ADAMTSL1: variants seen among roughly 807,000 people sequenced by gnomAD.
ADAMTSL1 encodes ADAMTS-like protein 1.
In ADAMTSL1, 126 loss-of-function variants were observed where a neutral mutation model predicts 201.8. The ratio of observed to expected loss-of-function variants is 0.62; its 90% CI spans 0.54 to 0.72. The LOEUF is 0.72. ADAMTSL1 is among the 30% of genes least tolerant of loss of function. The pLI is 0.00. For missense variants in ADAMTSL1, 2,679 were observed against 2,277.8 expected (o/e 1.18, Z -3.59); for synonymous variants, 1,121 against 903.4 (o/e 1.24, Z -4.32).
At chr9:18,112,891 G>A (rs492960) in intron 1 of ADAMTSL1, among the ~76,000 whole-genome samples, 21,129 of 152,136 alleles carry the variant, frequency 0.14, 1,611 homozygotes, top group East Asian at 0.22. Context: ...CTTTGTCAGA[G>A]GGATACTGAG....
chr9:18,543,094 A>G (rs1431997728), intron 3 of ADAMTSL1, among the ~76,000 whole-genome samples: 1 of 152,194 alleles, frequency 6.6e-6, no homozygotes, highest in African/African-American at 2.4e-5. Flanking sequence ...TTCTTTGGCC[A>G]AATACTTGAT....
chr9:18,256,554 G>A (rs1052372353), intron 2 of ADAMTSL1, among the ~76,000 whole-genome samples: 2 of 152,168 alleles, frequency 1.3e-5, no homozygotes. Context: ...AAAGAAATGG[G>A]CATAGACATG....
chr9:18,697,382 C>G (rs1307820985), intron 13 of ADAMTSL1, among the ~76,000 whole-genome samples: 1 of 152,184 alleles, frequency 6.6e-6, no homozygotes, highest in Non-Finnish European at 1.5e-5. Flanking sequence ...AAACTTCTAT[C>G]TCTATGGAGT....
At chr9:18,434,850 G>C (rs761645406) in intron 2 of ADAMTSL1, among the ~76,000 whole-genome samples, 3 of 152,124 alleles carry the variant, frequency 2.0e-5, no homozygotes, top group African/African-American at 7.2e-5. Flanking sequence ...AGTTCTAGGT[G>C]CTTCTTCAAG....
chr9:18,815,643 G>A (rs926229874), intron 20 of ADAMTSL1, among the ~76,000 whole-genome samples: 8 of 146,910 alleles, frequency 5.4e-5, no homozygotes, highest in Non-Finnish European at 1.0e-4. Flanking sequence ...GGGAGGCAGA[G>A]GCTGCAGTGA....
chr9:18,603,989 G>GT (rs1364693930), intron 4 of ADAMTSL1, among the ~76,000 whole-genome samples: 1 of 152,200 alleles, frequency 6.6e-6, no homozygotes, highest in Non-Finnish European at 1.5e-5. Context: ...ACAATGGCGA[G>GT]AGCACACCTG....
chr9:18,085,769 GTA>G (rs760212452), intron 1 of ADAMTSL1, among the ~76,000 whole-genome samples: 7 of 149,660 alleles, frequency 4.7e-5, no homozygotes, highest in African/African-American at 1.2e-4. Context: ...ATGTGTGTGT[GTA>G]TATATATATA....
chr9:18,158,775 A>C (rs894215940), intron 1 of ADAMTSL1, among the ~76,000 whole-genome samples: 3 of 151,958 alleles, frequency 2.0e-5, no homozygotes, highest in African/African-American at 7.2e-5. Flanking sequence ...TGTCCTTCCA[A>C]CCAGAAGTTA....
At chr9:18,583,166 C>T (rs897170642) in intron 4 of ADAMTSL1, among the ~76,000 whole-genome samples, 3 of 152,180 alleles carry the variant, frequency 2.0e-5, no homozygotes. Flanking sequence ...AACTTTGGAA[C>T]TGGGTAACAG....
At chr9:18,828,660 T>TTATATATATATATATA (rs1554643931) in intron 22 of ADAMTSL1, among the ~76,000 whole-genome samples, 15 of 28,534 alleles carry the variant, frequency 5.3e-4, no homozygotes, top group Admixed American at 1.5e-3. Context: ...GAAAGTATAT[T>TTATATATATATATATA]TATATATATA....
chr9:18,314,864 T>A (rs185482223), intron 2 of ADAMTSL1, among the ~76,000 whole-genome samples: 2,429 of 132,624 alleles, frequency 0.018, 67 homozygotes, highest in African/African-American at 0.065. Context: ...TGGCGCGATC[T>A]CGGCTCACTG....
chr9:17,967,810 T>C (rs1818039662), intron 1 of ADAMTSL1, among the ~76,000 whole-genome samples: 1 of 152,120 alleles, frequency 6.6e-6, no homozygotes, highest in African/African-American at 2.4e-5. Context: ...TGTATATACT[T>C]TCTCCATTTT....
chr9:18,595,137 G>C (rs1284831079), intron 4 of ADAMTSL1, among the ~76,000 whole-genome samples: 2 of 152,126 alleles, frequency 1.3e-5, no homozygotes, highest in African/African-American at 4.8e-5. Flanking sequence ...AGAGTAATAG[G>C]GCTATGTGGG....
chr9:18,171,424 A>T (rs1035653827), intron 2 of ADAMTSL1, among the ~76,000 whole-genome samples: 7 of 152,144 alleles, frequency 4.6e-5, no homozygotes, highest in African/African-American at 1.7e-4. Flanking sequence ...ACTTTAAATT[A>T]TATTAACATT....
rs186970968 is a variant in ADAMTSL1, at chr9:18,158,591, A to C, written c.88-5271A>C. On this transcript the variant is annotated intron_variant, in intron 1 of 29. Transcript: ENST00000680146. ...TTTATCACAAGTGAAATTTACTGAA[A>C]TCTGGTAAACTCAATTTATTACCAA... Among the ~76,000 whole-genome samples, 19 of 152,180 alleles carry C rather than the reference A, an allele frequency of 1.2e-4. No individual in the cohort carries two copies. In the East Asian group the frequency reaches 3.3e-3, roughly 26 times the overall value.
chr9:18,235,261 G>C lies in ADAMTSL1; in HGVS notation c.207+71280G>C, dbSNP rs867716270. 3.5e-4 allele frequency among the ~76,000 whole-genome samples: 53 copies of C among 152,308 alleles called. No homozygotes were observed. In the Middle Eastern group the frequency reaches 0.017, roughly 49 times the overall value. ...GGTATTTTCTCGAATGTCTGAAATT[G>C]GGATTTGTCTGATGTTTTCATCATG... On this transcript the variant is annotated intron_variant, in intron 2 of 29. Transcript: ENST00000680146.
intron 2 of ADAMTSL1, among the ~76,000 whole-genome samples, chr9:18,380,831 G>A (rs1006150220): frequency 6.6e-6 from 1 of 152,186 alleles, no homozygotes; most frequent in African/African-American, 2.4e-5. Flanking sequence ...AGTCCATCAG[G>A]TGAACGCATG....
chr9:18,278,862 C>T (rs1159433672), intron 2 of ADAMTSL1, among the ~76,000 whole-genome samples: 1 of 151,670 alleles, frequency 6.6e-6, no homozygotes, highest in Non-Finnish European at 1.5e-5. Context: ...TCTCTTTTTT[C>T]CCTTTTTATT....
chr9:18,651,875 G>A (rs1176982681), intron 7 of ADAMTSL1, among the ~76,000 whole-genome samples: 1 of 151,526 alleles, frequency 6.6e-6, no homozygotes, highest in East Asian at 1.9e-4. Context: ...GAAATCCCAT[G>A]TCCAAAATAA....
Sources: allele counts gnomAD v4.1 joint callset (sites outside exome capture counted in the v4.1 genomes callset), GRCh38; gene constraint gnomAD v4.1.1; transcripts MANE v1.5; gene names NCBI Gene and HGNC (gene_info 2026-07-23, HGNC 2026-07-21).